The following ZNF407 variants were observed in gnomAD, a reference collection of about 807,000 sequenced individuals.
The protein encoded by ZNF407 is zinc finger protein 407.
A neutral mutation model predicts 131.2 loss-of-function variants in ZNF407; 17 were observed. The ratio of observed to expected loss-of-function variants is 0.13; its 90% CI spans 0.09 to 0.19. The LOEUF (loss-of-function observed/expected upper bound fraction) is 0.19, where lower values mean the gene tolerates loss of function less well. Ranked by LOEUF, ZNF407 falls within the 10% of genes least tolerant of loss-of-function variation. The probability of loss-of-function intolerance (pLI) is 1.00; values close to 1 mark genes in which losing one functional copy is unlikely to be tolerated. For synonymous variants in ZNF407, 1,156 were observed against 1,062.0 expected, an observed-to-expected ratio of 1.09 and a Z score of -1.72; for missense variants, 2,681 against 2,830.6, an observed-to-expected ratio of 0.95 and a Z score of 1.20.
At chr18:74,602,806 T>C (rs749897768) in intron 1 of ZNF407, among the ~76,000 whole-genome samples, 4 of 152,180 alleles carry the variant, frequency 2.6e-5, no homozygotes, top group Non-Finnish European at 5.9e-5. Context: ...GCTCCTCTTA[T>C]GTCCAGTGTA....
chr18:74,992,003 A>T (rs1972724230), intron 8 of ZNF407, among the ~76,000 whole-genome samples: 1 of 152,188 alleles, frequency 6.6e-6, no homozygotes, highest in African/African-American at 2.4e-5. Flanking sequence ...CTGAAAGGAT[A>T]TCAGGGTTTT....
At chr18:74,895,739 G>A (rs1233726073) in intron 7 of ZNF407, among the ~76,000 whole-genome samples, 1 of 152,064 alleles carries the variant, frequency 6.6e-6, no homozygotes, top group Non-Finnish European at 1.5e-5. Context: ...TAAGTAATAA[G>A]GCAAGCCTTC....
chr18:75,012,007 T>C (rs573158447), intron 8 of ZNF407, among the ~76,000 whole-genome samples: 19 of 152,300 alleles, frequency 1.2e-4, no homozygotes, highest in South Asian at 4.1e-4. Flanking sequence ...ATGTGACATA[T>C]TAAAACTCTT....
In ZNF407 at chr18:75,048,886, G is replaced by A. The variant is rs1387885366; in HGVS notation, c.5429-14264G>A. Among the ~76,000 whole-genome samples, 1 of 152,146 alleles carries A rather than the reference G, an allele frequency of 6.6e-6. No homozygotes were observed. The highest frequency in any genetic ancestry group is 6.5e-5 in the Admixed American group (1 of 15,280). ...TGAGCAGGCAGTGTTCAGGCTGTAG[G>A]GCCACCAAGCCAGAGTCAGCCAGCG... On this transcript the variant is annotated intron_variant, in intron 8 of 8. Coordinates refer to ENST00000299687, the MANE Select transcript of ZNF407 (RefSeq NM_017757.3). This position sits in a 1 kb window ranked among gnomAD's most constrained non-coding sequence, Gnocchi z 4.1.
chr18:74,618,981 T>G (rs1332309806), intron 1 of ZNF407, among the ~76,000 whole-genome samples: 1 of 152,212 alleles, frequency 6.6e-6, no homozygotes, highest in Admixed American at 6.5e-5. Context: ...TGTCCAAAAT[T>G]AGTAGTTTTT....
intron 8 of ZNF407, among the ~76,000 whole-genome samples, chr18:75,031,475 T>C (rs963283217): frequency 2.0e-5 from 3 of 152,158 alleles, no homozygotes; most frequent in Non-Finnish European, 1.5e-5. Flanking sequence ...TTGATCAAAA[T>C]ATTAATTAGA....
intron 4 of ZNF407, among the ~76,000 whole-genome samples, chr18:74,801,322 G>C (rs1291517056): frequency 3.9e-5 from 6 of 151,996 alleles, no homozygotes; most frequent in South Asian, 4.2e-4. Context: ...ATTTCATAAG[G>C]CTTCATTTAT....
At chr18:74,702,052 A>C (rs1248873827) in intron 3 of ZNF407, among the ~76,000 whole-genome samples, 1 of 152,178 alleles carries the variant, frequency 6.6e-6, no homozygotes, top group African/African-American at 2.4e-5. Flanking sequence ...TATAACGGAG[A>C]CATGCCTGCG....
At chr18:74,922,208 A>G (rs888464049) in intron 8 of ZNF407, among the ~76,000 whole-genome samples, 1 of 152,234 alleles carries the variant, frequency 6.6e-6, no homozygotes, top group African/African-American at 2.4e-5. Flanking sequence ...ATAAGTGCCT[A>G]TGGGTTCTTC....
chr18:74,889,491 T>C (rs894504087), intron 6 of ZNF407, among the ~76,000 whole-genome samples: 3 of 152,204 alleles, frequency 2.0e-5, no homozygotes, highest in African/African-American at 7.2e-5. Context: ...TTTCTTCATA[T>C]CTAATGTTAA....
At chr18:75,024,473 A>G (rs532664699) in intron 8 of ZNF407, among the ~76,000 whole-genome samples, 40 of 152,344 alleles carry the variant, frequency 2.6e-4, no homozygotes, top group African/African-American at 9.1e-4. Context: ...TTTGCAAGTG[A>G]GACAACACTT....
At chr18:74,608,085 T>C (rs1599124736) in intron 1 of ZNF407, among the ~76,000 whole-genome samples, 1 of 152,344 alleles carries the variant, frequency 6.6e-6, no homozygotes, top group South Asian at 2.1e-4. Flanking sequence ...TACTTTGAAA[T>C]AATTTTAGAA....
At chr18:74,805,673 G>A (rs1970098118) in intron 4 of ZNF407, among the ~76,000 whole-genome samples, 1 of 152,160 alleles carries the variant, frequency 6.6e-6, no homozygotes, top group Admixed American at 6.5e-5. Flanking sequence ...TTTTCCTGTT[G>A]CTGTTTGATC....
At chr18:74,850,802 T>C (rs1970772236) in intron 4 of ZNF407, among the ~76,000 whole-genome samples, 1 of 152,210 alleles carries the variant, frequency 6.6e-6, no homozygotes, top group Non-Finnish European at 1.5e-5. Context: ...CCGTATTATG[T>C]TTATTCAGTT....
chr18:75,012,285 A>ATAGCAGGCTCTGGGGGTATC (rs1568300410), intron 8 of ZNF407, among the ~76,000 whole-genome samples: 2 of 116,480 alleles, frequency 1.7e-5, no homozygotes, highest in Non-Finnish European at 3.8e-5. Context: ...CACATAGTGT[A>ATAGCAGGCTCTGGGGGTATC]TGTACACATA....
rs755014419 is a variant in ZNF407, at chr18:74,920,464, G to A, written c.5250-50G>A. The stretch of plus-strand genomic sequence containing the variant: ...TGTAATATCATTATTTGTAAGATAA[G>A]GTTATTGGTTTGACCTTAATTAGAT... On this transcript the variant is annotated intron_variant, in intron 7 of 8. Coordinates refer to ENST00000299687, the MANE Select transcript of ZNF407 (RefSeq NM_017757.3). 5.2e-5 allele frequency: 75 copies of A among 1,446,822 alleles called. No individual in the cohort carries two copies. In the South Asian group the frequency reaches 1.0e-3, roughly 19 times the overall value. The allele number at this position is 1,446,822 out of a possible 1,614,324, so 89.6% of individuals were successfully genotyped here.
At chr18:74,767,189 G>A (rs1048669902) in intron 3 of ZNF407, among the ~76,000 whole-genome samples, 6 of 152,172 alleles carry the variant, frequency 3.9e-5, no homozygotes, top group South Asian at 2.1e-4. Flanking sequence ...TGGGACTACA[G>A]GTGTGAGCTA....
At chr18:74,939,652 T>C (rs77276610) in intron 8 of ZNF407, among the ~76,000 whole-genome samples, 270 of 152,350 alleles carry the variant, frequency 1.8e-3, no homozygotes, top group Non-Finnish European at 3.5e-3. Flanking sequence ...ACGGTACCCA[T>C]TGATGAAGCC....
intron 8 of ZNF407, among the ~76,000 whole-genome samples, chr18:75,022,756 G>A (rs1488930699): frequency 6.6e-6 from 1 of 152,166 alleles, no homozygotes; most frequent in Non-Finnish European, 1.5e-5. Context: ...TTCAACCACT[G>A]TGGAAGACAG....
Sources: allele counts gnomAD v4.1 joint callset (sites outside exome capture counted in the v4.1 genomes callset), GRCh38; gene constraint gnomAD v4.1.1; non-coding constraint Gnocchi (gnomAD v3.1); transcripts MANE v1.5; gene names NCBI Gene and HGNC (gene_info 2026-07-23, HGNC 2026-07-21).